OFD1: variants seen among roughly 807,000 people sequenced by gnomAD.
OFD1 encodes the protein OFD1 centriole and centriolar satellite protein, also known as centriole and centriolar satellite protein OFD1.
OFD1 carries 12 observed loss-of-function variants against 81.4 expected under a neutral mutation model. The ratio of observed to expected loss-of-function variants is 0.15; its 90% CI spans 0.09 to 0.24. The LOEUF (loss-of-function observed/expected upper bound fraction) is 0.24, where lower values mean the gene tolerates loss of function less well. OFD1 is among the 10% of genes least tolerant of loss of function. The pLI is 1.00. For missense variants in OFD1, 685 were observed against 733.9 expected, an observed-to-expected ratio of 0.93 and a Z score of 0.77; for synonymous variants, 256 against 263.7, an observed-to-expected ratio of 0.97 and a Z score of 0.28.
At position 13,756,703 on chromosome X, in the gene OFD1, A is replaced by G. The variant is rs151287373; in HGVS notation, c.1347A>G (p.Ala449=). Residue 449 remains alanine, a synonymous_variant, in exon 13 of 23, where the codon GCA becomes GCG. Coordinates refer to ENST00000340096, the MANE Select transcript of OFD1 (RefSeq NM_003611.3). ...LLKEEKLELL[A]QNKLLKQQLE... ...AAGAAGAGAAACTGGAGCTTCTGGC[A>G]CAAAATAAATTACTTAAACAACAAC... is the stretch of plus-strand genomic sequence containing the variant. The G allele has an allele frequency of 3.1e-5, 38 of 1,207,403 alleles. No homozygotes were observed. Among genetic ancestry groups the G allele is most frequent in the African/African-American group, 5.2e-5 (3 of 57,221 alleles).
the OFD1 span, chrX:13,715,723 T>A: frequency 3.6e-5 from 28 of 785,515 alleles, no homozygotes; most frequent in Non-Finnish European, 4.2e-5. Flanking sequence ...TCTTTAGGGA[T>A]CCCTAATAAA....
chrX:13,760,805 G>C, intron 16 of OFD1, 85 bp downstream of exon 16: 2 of 1,117,852 alleles, frequency 1.8e-6, no homozygotes, highest in Non-Finnish European at 2.4e-6. Flanking sequence ...GTGAGGGTCA[G>C]CGGGCCAGAG....
chrX:13,724,486 C>G, the OFD1 span, among the ~76,000 whole-genome samples: 1 of 110,071 alleles, frequency 9.1e-6, no homozygotes, highest in African/African-American at 3.3e-5. Context: ...GCGCTTGCTA[C>G]ACACTGAAAT....
At chrX:13,752,817 C>CA in intron 10 of OFD1, 1 of 968,807 alleles carries the variant, frequency 1.0e-6, no homozygotes. Context: ...CTTTTGGAAC[C>CA]AAAAGGGCAG....
the OFD1 span, among the ~76,000 whole-genome samples, chrX:13,724,064 A>G: frequency 8.9e-6 from 1 of 111,771 alleles, no homozygotes; most frequent in African/African-American, 3.3e-5. Context: ...AAGGGGCCAC[A>G]GCCAAGGAAT....
intron 20 of OFD1, 34 bp downstream of exon 20, chrX:13,767,318 G>C (rs1420558346): frequency 8.4e-7 from 1 of 1,194,551 alleles, no homozygotes; most frequent in African/African-American, 1.7e-5. Flanking sequence ...TGAACTGGTT[G>C]CTCCATTGTA....
Position 13,756,767 on chromosome X carries a change from C to T in OFD1, c.1411C>T (p.Arg471Cys), listed in dbSNP as rs777440482. ...AAATGAAAACCTGCGTCTCCTAAAC[C>T]GTATGTATTTTTCTTTTCTTCTGAC... ...SRNENLRLLN[R>C]LAQPAPELAV... Residue 471 changes from arginine to cysteine, a missense_variant and splice_region_variant, in exon 13 of 23, where the codon CGC becomes TGC. Arg to Cys is a radical substitution (Grantham distance 180). This residue lies in a region of OFD1 where 414 missense variants were observed against 447.2 expected (regional missense o/e 0.93). Transcript: ENST00000340096. 7 of 1,191,286 alleles carry T rather than the reference C, an allele frequency of 5.9e-6. No individual in the cohort carries two copies. The highest frequency in any genetic ancestry group is 5.3e-5 in the South Asian group (3 of 56,475).
the OFD1 span, among the ~76,000 whole-genome samples, chrX:13,724,130 C>G: frequency 1.8e-5 from 2 of 111,163 alleles, no homozygotes. Flanking sequence ...GTTTGGCTCT[C>G]AAGTGAGAGC....
chrX:13,755,277 T>C, intron 12 of OFD1, 35 bp downstream of exon 12: 1 of 1,000,699 alleles, frequency 1.0e-6, no homozygotes, highest in Non-Finnish European at 1.4e-6. Context: ...TGAAATAGAT[T>C]TTAAGCAATA....
Position 13,750,196 on chromosome X carries a change from C to T in OFD1, c.935+663C>T, listed in dbSNP as rs139868392. On this transcript the variant is annotated intron_variant, in intron 9 of 22. Coordinates refer to ENST00000340096, the MANE Select transcript of OFD1 (RefSeq NM_003611.3). ...AGGCTTGATTTGTTTGATTTCAACT[C>T]TCTGTCTACCTTACTCTCTTTTTGG... Among the ~76,000 whole-genome samples, 2,468 of 111,943 alleles carry T rather than the reference C, an allele frequency of 0.022. 58 individuals are homozygous for T. The highest frequency in any genetic ancestry group is 0.065 in the African/African-American group (2,000 of 30,748).
In OFD1 at chrX:13,734,900, G is replaced by A. The variant is rs2046791637; in HGVS notation, c.-172G>A. ...CGTGTTTGCTAGAAAACCTAGTTGG[G>A]AGTGCGAGGCAGAGAACGTTCAGCA... On this transcript the variant is annotated 5_prime_UTR_variant, in exon 1 of 23. Coordinates refer to ENST00000340096, the MANE Select transcript of OFD1 (RefSeq NM_003611.3). 1 of 1,090,524 alleles carries A rather than the reference G, an allele frequency of 9.2e-7. No individual in the cohort carries two copies. The allele number at this position is 1,090,524 out of a possible 1,213,427, so 89.9% of individuals were successfully genotyped here. A position where few individuals can be genotyped will look rare whatever the true frequency, so the allele number is the denominator to read the frequency against.
intron 5 of OFD1, among the ~76,000 whole-genome samples, chrX:13,740,831 A>G (rs898233350): frequency 1.8e-5 from 2 of 108,550 alleles, no homozygotes; most frequent in South Asian, 3.9e-4. Context: ...CTATAGATAC[A>G]TTATCCTTAA....
the OFD1 span, chrX:13,716,705 A>G: frequency 1.7e-5 from 20 of 1,205,594 alleles, 1 homozygote; most frequent in Middle Eastern, 4.6e-4. Context: ...GCAACCACAG[A>G]TTAACATTTG....
upstream of OFD1, among the ~76,000 whole-genome samples, chrX:13,731,441 G>T (rs773852074): frequency 8.9e-6 from 1 of 112,332 alleles, no homozygotes; most frequent in African/African-American, 3.2e-5. Context: ...ACTAGAACAA[G>T]TCATACCAAA....
At position 13,762,376 on chromosome X, in the gene OFD1, A is replaced by G. The variant is rs756198115; in HGVS notation, c.2420A>G (p.Lys807Arg). The G allele has an allele frequency of 2.5e-6, 3 of 1,200,830 alleles. No individual in the cohort carries two copies. Among genetic ancestry groups the G allele is most frequent in the East Asian group, 5.9e-5 (2 of 33,729 alleles). The change falls in exon 18 of 23, where the codon AAA becomes AGA. Residue 807 changes from lysine (K) to arginine (R), a missense_variant. Transcript: ENST00000340096. ...CGAAGACAAACTGAACTTCAAGACA[A>G]AAGTGAATTTTCAGATGTGGACAAG... ...LYRRQTELQD[K>R]SEFSDVDKLA...
In OFD1 at chrX:13,751,498, C is replaced by T. The variant is rs1214590698; in HGVS notation, c.1055+130C>T. 6.4e-5 allele frequency: 34 copies of T among 528,532 alleles called. No individual in the cohort carries two copies. In the South Asian group the frequency reaches 9.5e-4, roughly 15 times the overall value. The allele number at this position is 528,532 out of a possible 1,213,427, so 43.6% of individuals were successfully genotyped here. A position where few individuals can be genotyped will look rare whatever the true frequency, so the allele number is the denominator to read the frequency against. On this transcript the variant is annotated intron_variant, in intron 10 of 22. Coordinates refer to ENST00000340096, the MANE Select transcript of OFD1 (RefSeq NM_003611.3). ...TGAAAAAAAAAAAACATAGTTTTATCGATACAGTCAATCCTTTCCTGCATT... is the reference window on the plus strand; with the variant it reads ...TGAAAAAAAAAAAACATAGTTTTATTGATACAGTCAATCCTTTCCTGCATT...
rs773987670 is a variant in OFD1, at chrX:13,758,446, C to G, written c.1652C>G (p.Thr551Arg). The change falls in exon 15 of 23, where the codon ACA becomes AGA. Residue 551 changes from threonine (T) to arginine (R), a missense_variant and splice_region_variant. Transcript: ENST00000340096. ...DLKLQLKQTQ[T>R]ALENEVYCNP... ...AAATTGCAACTGAAGCAAACTCAGA[C>G]AGGTTAGAGACGTTTTAACCCATAA... The G allele has an allele frequency of 1.8e-6, 2 of 1,118,540 alleles. No individual in the cohort carries two copies. Among genetic ancestry groups the G allele is most frequent in the Non-Finnish European group, 2.5e-6 (2 of 813,093 alleles). The allele number at this position is 1,118,540 out of a possible 1,213,427, so 92.2% of individuals were successfully genotyped here.
At chrX:13,765,136 T>C (rs1335264267) in intron 19 of OFD1, among the ~76,000 whole-genome samples, 1 of 111,800 alleles carries the variant, frequency 8.9e-6, no homozygotes, top group Non-Finnish European at 1.9e-5. Flanking sequence ...AGTGACATTT[T>C]AGTTATTGAG....
rs931780919 is a variant in OFD1, at chrX:13,734,932, T to C, written c.-140T>C. 9.0e-6 allele frequency: 10 copies of C among 1,109,354 alleles called. No individual in the cohort carries two copies. The highest frequency in any genetic ancestry group is 1.9e-5 in the African/African-American group (1 of 53,942). The allele number at this position is 1,109,354 out of a possible 1,213,427, so 91.4% of individuals were successfully genotyped here. On this transcript the variant is annotated 5_prime_UTR_variant, in exon 1 of 23. Transcript: ENST00000340096. ...AGGCAGAGAACGTTCAGCACCTTTG[T>C]TCCTCCCGAACCCTCGGGACAGAGG...
Sources: gnomAD v4.1 joint callset for allele counts (sites outside exome capture counted in the v4.1 genomes callset) on GRCh38, gnomAD v4.1.1 for gene constraint, gnomAD v4.1.1 regional missense constraint, MANE v1.5 for transcripts, NCBI Gene and HGNC (gene_info 2026-07-23, HGNC 2026-07-21) for gene names.